Variants in SEMA5A observed in about 807,000 individuals in gnomAD.
The protein encoded by SEMA5A is semaphorin-5A.
A neutral mutation model predicts 135.5 loss-of-function variants in SEMA5A; 55 were observed. The ratio of observed to expected loss-of-function variants is 0.41; its 90% CI spans 0.33 to 0.51. The LOEUF is 0.51. Ranked by LOEUF, SEMA5A falls within the 20% of genes least tolerant of loss-of-function variation. The pLI is 0.37. For missense variants in SEMA5A, 1,290 were observed against 1,419.9 expected (o/e 0.91, Z 1.47); for synonymous variants, 580 against 546.5 (o/e 1.06, Z -0.85).
intron 9 of SEMA5A, among the ~76,000 whole-genome samples, chr5:9,200,366 T>C (rs1579597787): frequency 6.6e-6 from 1 of 152,282 alleles, no homozygotes; most frequent in East Asian, 1.9e-4. Context: ...GAAATTGGTG[T>C]TTTGTTTTGT....
chr5:9,432,617 A>C (rs1254549971), intron 2 of SEMA5A, among the ~76,000 whole-genome samples: 2 of 152,242 alleles, frequency 1.3e-5, no homozygotes, highest in South Asian at 4.1e-4. Flanking sequence ...GTCCACGGTC[A>C]GGTGGTTATG....
intron 2 of SEMA5A, among the ~76,000 whole-genome samples, chr5:9,432,730 A>G (rs1757901510): frequency 6.6e-6 from 1 of 152,186 alleles, no homozygotes; most frequent in Non-Finnish European, 1.5e-5. Flanking sequence ...AGTGCTCGAG[A>G]CTGCACAAAC....
At chr5:9,064,019 A>T (rs1247854599) in intron 17 of SEMA5A, among the ~76,000 whole-genome samples, 1 of 152,232 alleles carries the variant, frequency 6.6e-6, no homozygotes, top group Non-Finnish European at 1.5e-5. Flanking sequence ...TATGCAGTAA[A>T]GTTCCGGGGA....
Position 9,525,522 on chromosome 5 carries a change from G to T in SEMA5A, c.-175+20062C>A, listed in dbSNP as rs1240831715. 2.6e-5 allele frequency among the ~76,000 whole-genome samples: 4 copies of T among 152,226 alleles called. No homozygotes were observed. In the East Asian group the frequency reaches 7.7e-4, roughly 29 times the overall value. ...GGACAGAAGGGACAAGGACCCAGGG[G>T]ATGGCGAGGATGATAATGGCTGTAC... is the stretch of plus-strand genomic sequence containing the variant. On this transcript the variant is annotated intron_variant, in intron 1 of 22. Coordinates refer to ENST00000382496, the MANE Select transcript of SEMA5A (RefSeq NM_003966.3).
At chr5:9,071,664 TAG>T (rs1426976449) in intron 16 of SEMA5A, among the ~76,000 whole-genome samples, 1 of 152,084 alleles carries the variant, frequency 6.6e-6, no homozygotes, top group East Asian at 1.9e-4. Context: ...GCAAGTAAAG[TAG>T]AGAGACAGAG....
intron 2 of SEMA5A, among the ~76,000 whole-genome samples, chr5:9,418,617 G>A (rs983617981): frequency 1.4e-4 from 22 of 152,098 alleles, no homozygotes; most frequent in Non-Finnish European, 2.9e-4. Flanking sequence ...CTCTACATCT[G>A]ACAACTGCCC....
chr5:9,275,536 G>A (rs1023572750), intron 5 of SEMA5A, among the ~76,000 whole-genome samples: 10 of 151,944 alleles, frequency 6.6e-5, no homozygotes, highest in African/African-American at 1.9e-4. Context: ...AAAAAAAAAG[G>A]AAAATTTCAG....
At position 9,401,526 on chromosome 5, in the gene SEMA5A, G is replaced by C. The variant is rs11750501; in HGVS notation, c.-77-21503C>G. On this transcript the variant is annotated intron_variant, in intron 2 of 22. Transcript: ENST00000382496. The stretch of plus-strand genomic sequence containing the variant: ...GCATCCCCGTGTGGTCCTCTTCTCA[G>C]CTCCTAAAAGAATCACCCTCATTCC... Among the ~76,000 whole-genome samples, 1,387 of 152,240 alleles carry C rather than the reference G, an allele frequency of 9.1e-3. 5 individuals are homozygous for C. The highest frequency in any genetic ancestry group is 0.016 in the Non-Finnish European group (1,094 of 68,016).
At chr5:9,335,863 A>G (rs1753367520) in intron 4 of SEMA5A, among the ~76,000 whole-genome samples, 1 of 152,310 alleles carries the variant, frequency 6.6e-6, no homozygotes, top group African/African-American at 2.4e-5. Context: ...GAGCTTCTAT[A>G]AGCAGGAAAA....
chr5:9,302,263 G>GGGCC (rs1751647520), intron 5 of SEMA5A, among the ~76,000 whole-genome samples: 2 of 152,212 alleles, frequency 1.3e-5, no homozygotes, highest in African/African-American at 4.8e-5. Flanking sequence ...ATCTTTTGGA[G>GGGCC]GGCCATTTTT....
intron 16 of SEMA5A, among the ~76,000 whole-genome samples, chr5:9,082,744 G>A (rs1313392796): frequency 1.3e-5 from 2 of 152,160 alleles, no homozygotes; most frequent in Non-Finnish European, 2.9e-5. Flanking sequence ...AATATCAGAT[G>A]CAGACCACAA....
intron 3 of SEMA5A, among the ~76,000 whole-genome samples, chr5:9,368,893 T>A (rs1755021777): frequency 6.6e-6 from 1 of 152,258 alleles, no homozygotes; most frequent in African/African-American, 2.4e-5. Context: ...AATATTATGT[T>A]ACTGTTGGGA....
At chr5:9,402,712 T>C (rs1299731470) in intron 2 of SEMA5A, among the ~76,000 whole-genome samples, 1 of 152,224 alleles carries the variant, frequency 6.6e-6, no homozygotes, top group Non-Finnish European at 1.5e-5. Flanking sequence ...GACCCAATAA[T>C]CTCATCCTGC....
chr5:9,393,577 G>A (rs1756259029), intron 2 of SEMA5A, among the ~76,000 whole-genome samples: 1 of 152,146 alleles, frequency 6.6e-6, no homozygotes, highest in African/African-American at 2.4e-5. Flanking sequence ...AATTATATGA[G>A]TTAATTTGAA....
chr5:9,450,655 T>G (rs1164530762), intron 1 of SEMA5A, among the ~76,000 whole-genome samples: 2 of 152,018 alleles, frequency 1.3e-5, no homozygotes, highest in African/African-American at 4.8e-5. Context: ...TTGAAGGAGC[T>G]TTCTTCTCAC....
At chr5:9,350,946 T>C (rs1350816354) in intron 3 of SEMA5A, among the ~76,000 whole-genome samples, 1 of 152,236 alleles carries the variant, frequency 6.6e-6, no homozygotes, top group Non-Finnish European at 1.5e-5. Context: ...CTGACAGTGG[T>C]ACTGGAGACC....
rs148190896 is a variant in SEMA5A at position 9,378,565 on chromosome 5, G to A, written c.124+1258C>T. On this transcript the variant is annotated intron_variant, in intron 3 of 22. Coordinates refer to ENST00000382496, the MANE Select transcript of SEMA5A (RefSeq NM_003966.3). ...GAATTTACAGACATCTTTGGAAAGA[G>A]GAATATTTGAAGCACACAATCAGAA... Among the ~76,000 whole-genome samples the A allele has an allele frequency of 2.3e-3, 346 of 152,288 alleles. 1 individual carries two copies. The highest frequency in any genetic ancestry group is 8.0e-3 in the African/African-American group (332 of 41,566).
In SEMA5A at chr5:9,160,603, T is replaced by C. The variant is rs527751234; in HGVS notation, c.1274-5908A>G. Reference sequence around the variant, plus strand: ...GCCAATGAGAAGAAGAGAACCCTCCTCGGCACAGATCACTACATTGTAGGT... The same window carrying C: ...GCCAATGAGAAGAAGAGAACCCTCCCCGGCACAGATCACTACATTGTAGGT... On this transcript the variant is annotated intron_variant, in intron 11 of 22. Coordinates refer to ENST00000382496, the MANE Select transcript of SEMA5A (RefSeq NM_003966.3). 7.3e-4 allele frequency among the ~76,000 whole-genome samples: 111 copies of C among 152,218 alleles called. 3 individuals are homozygous for C. The East Asian group carries it at 0.021, about 29-fold the overall frequency.
chr5:9,211,616 A>G (rs1352791411), intron 8 of SEMA5A, among the ~76,000 whole-genome samples: 6 of 152,148 alleles, frequency 3.9e-5, no homozygotes, highest in African/African-American at 1.4e-4. Flanking sequence ...CCTGGTCCCA[A>G]GGAGAAGCAC....
Sources: gnomAD v4.1 joint callset for allele counts (sites outside exome capture counted in the v4.1 genomes callset) on GRCh38, gnomAD v4.1.1 for gene constraint, MANE v1.5 for transcripts, NCBI Gene and HGNC (gene_info 2026-07-23, HGNC 2026-07-21) for gene names.